Variants in ARMC2 observed in about 807,000 individuals in gnomAD.
The protein encoded by ARMC2 is armadillo repeat containing 2.
ARMC2 carries 67 observed loss-of-function variants against 90.3 expected under a neutral mutation model. The observed-to-expected ratio is 0.74, with a 90% confidence interval of 0.61 to 0.91. The LOEUF (loss-of-function observed/expected upper bound fraction) is 0.91. Ranked by LOEUF, ARMC2 falls within the 40% of genes least tolerant of loss-of-function variation. The probability of loss-of-function intolerance (pLI) is 0.00; values close to 1 mark genes in which losing one functional copy is unlikely to be tolerated. For missense variants in ARMC2, 920 were observed against 1,030.9 expected (o/e 0.89, Z 1.47); for synonymous variants, 393 against 393.0 (o/e 1.00, Z 0.00).
chr6:108,973,501 T>C lies in ARMC2; in HGVS notation c.2591T>C (p.Ile864Thr). Residue 864 changes from isoleucine to threonine, a missense_variant, in exon 18 of 18, where the codon ATT (isoleucine) becomes ACT (threonine). Physicochemically the swap from Ile to Thr is moderately conservative, Grantham distance 89. Transcript: ENST00000392644. ...RHHTFLEPLP[I>T]PSF is the part of the protein sequence containing the mutation. ...CACACCTTCCTGGAACCCCTGCCCA[T>C]TCCCTCTTTCTAACATGATGCAGAT... 6.2e-7 allele frequency: 1 copy of C among 1,612,518 alleles called. No homozygotes were observed. Among genetic ancestry groups the C allele is most frequent in the Non-Finnish European group, 8.5e-7 (1 of 1,179,034 alleles).
At chr6:108,910,221 T>C (rs964473413) in intron 8 of ARMC2, among the ~76,000 whole-genome samples, 1 of 152,138 alleles carries the variant, frequency 6.6e-6, no homozygotes, top group African/African-American at 2.4e-5. Flanking sequence ...ATCTCAACAC[T>C]GGGAGGCTGA....
intron 7 of ARMC2, among the ~76,000 whole-genome samples, chr6:108,900,734 G>A (rs1040376048): frequency 2.0e-5 from 3 of 152,080 alleles, no homozygotes; most frequent in East Asian, 1.9e-4. Flanking sequence ...TTCTGGTCCC[G>A]GTGCTGCTAC....
intron 2 of ARMC2, among the ~76,000 whole-genome samples, chr6:108,857,496 A>G (rs1056735594): frequency 6.6e-6 from 1 of 152,042 alleles, no homozygotes; most frequent in African/African-American, 2.4e-5. Context: ...TATGCTTTTA[A>G]TTTCTTTTTC....
intron 10 of ARMC2, among the ~76,000 whole-genome samples, chr6:108,927,808 C>G (rs1053472036): frequency 6.6e-6 from 1 of 152,002 alleles, no homozygotes; most frequent in Non-Finnish European, 1.5e-5. Flanking sequence ...GGAGTGTTAG[C>G]AAACCTAGAT....
chr6:108,964,091 C>T, intron 15 of ARMC2, 89 bp from the exon 16 acceptor site: 1 of 1,451,838 alleles, frequency 6.9e-7, no homozygotes, highest in Non-Finnish European at 9.3e-7. Context: ...TTGCAAGCCA[C>T]TCCCCGTTTC....
the ARMC2 span, among the ~76,000 whole-genome samples, chr6:109,023,198 ACTTT>A: frequency 6.6e-6 from 1 of 152,124 alleles, no homozygotes; most frequent in Non-Finnish European, 1.5e-5. Flanking sequence ...TCCTATCCCA[ACTTT>A]CTTGATTCCA....
chr6:108,951,770 G>A (rs1401902923), intron 12 of ARMC2, among the ~76,000 whole-genome samples: 1 of 152,200 alleles, frequency 6.6e-6, no homozygotes, highest in East Asian at 1.9e-4. Context: ...CCCAGCCCTT[G>A]GCCCTTTGTC....
chr6:108,978,264 G>A (rs1171188207), downstream of ARMC2, among the ~76,000 whole-genome samples: 1 of 152,184 alleles, frequency 6.6e-6, no homozygotes, highest in African/African-American at 2.4e-5. Context: ...TTACCCAGTA[G>A]TCATTCAGGA....
chr6:108,868,454 TG>T (rs1310084267), intron 3 of ARMC2, among the ~76,000 whole-genome samples: 2 of 152,146 alleles, frequency 1.3e-5, no homozygotes, highest in Admixed American at 1.3e-4. Flanking sequence ...TGACCTCAAG[TG>T]ATCCACCTGC....
intron 12 of ARMC2, among the ~76,000 whole-genome samples, 189 bp from the exon 13 acceptor site, chr6:108,952,844 C>G (rs1041921843): frequency 2.6e-5 from 4 of 152,174 alleles, no homozygotes; most frequent in African/African-American, 9.7e-5. Flanking sequence ...TTCATTGCTG[C>G]CAAGTGCTTT....
chr6:109,031,128 T>C, the ARMC2 span, among the ~76,000 whole-genome samples: 10 of 152,124 alleles, frequency 6.6e-5, no homozygotes, highest in Non-Finnish European at 1.0e-4. Context: ...GGGAATGACA[T>C]AGAAGAGAGA....
At chr6:108,982,891 G>T in the ARMC2 span, among the ~76,000 whole-genome samples, 43 of 149,432 alleles carry the variant, frequency 2.9e-4, no homozygotes, top group Non-Finnish European at 1.5e-4. Context: ...CGCGATCTCA[G>T]CTCACTGCAA....
rs1205815001 is a variant in ARMC2 at position 108,958,092 on chromosome 6, G to A, written c.1916-3480G>A. 2.0e-5 allele frequency among the ~76,000 whole-genome samples: 3 copies of A among 152,130 alleles called. No homozygotes were observed. In the East Asian group the frequency reaches 5.8e-4, roughly 29 times the overall value. On this transcript the variant is annotated intron_variant, in intron 13 of 17. Coordinates refer to ENST00000392644, the MANE Select transcript of ARMC2 (RefSeq NM_032131.6). Reference sequence around the variant, plus strand: ...TATGAAGTCCTAACCCCCATGTGATGGTATTTGGAGATGGGGCCTTTGGGA... The same window carrying A: ...TATGAAGTCCTAACCCCCATGTGATAGTATTTGGAGATGGGGCCTTTGGGA...
chr6:109,039,136 AAG>A, the ARMC2 span, among the ~76,000 whole-genome samples: 3 of 147,578 alleles, frequency 2.0e-5, no homozygotes, highest in East Asian at 2.1e-4. Flanking sequence ...AGGAGAAAGA[AAG>A]AAGAGGAGAA....
At chr6:108,863,932 G>A (rs577608201) in intron 3 of ARMC2, among the ~76,000 whole-genome samples, 5 of 152,306 alleles carry the variant, frequency 3.3e-5, no homozygotes, top group African/African-American at 4.8e-5. Context: ...TTCTAACAGC[G>A]TGGATTAGTT....
At chr6:108,940,768 T>C (rs1405344632) in intron 12 of ARMC2, among the ~76,000 whole-genome samples, 2 of 152,142 alleles carry the variant, frequency 1.3e-5, no homozygotes, top group African/African-American at 2.4e-5. Flanking sequence ...TGCTTTTCAT[T>C]AAAAGGAAAA....
downstream of ARMC2, among the ~76,000 whole-genome samples, chr6:108,979,381 C>T (rs1779042663): frequency 6.6e-6 from 1 of 152,174 alleles, no homozygotes; most frequent in South Asian, 2.1e-4. Flanking sequence ...TGAAGGGCTT[C>T]CCTTTGTGGG....
the ARMC2 span, among the ~76,000 whole-genome samples, chr6:109,046,546 C>T: frequency 2.8e-5 from 4 of 145,156 alleles, no homozygotes; most frequent in East Asian, 4.0e-4. Flanking sequence ...GGCCACCCAT[C>T]GTCTGGGATG....
At chr6:108,929,595 T>G (rs1349988410) in intron 11 of ARMC2, among the ~76,000 whole-genome samples, 1 of 152,068 alleles carries the variant, frequency 6.6e-6, no homozygotes, top group Non-Finnish European at 1.5e-5. Flanking sequence ...TCCTCCCACC[T>G]CAGCCTCCCT....
Sources: allele counts gnomAD v4.1 joint callset (sites outside exome capture counted in the v4.1 genomes callset), GRCh38; gene constraint gnomAD v4.1.1; transcripts MANE v1.5; gene names NCBI Gene and HGNC (gene_info 2026-07-23, HGNC 2026-07-21).